The following CMTM8 variants were observed in gnomAD, a reference collection of about 807,000 sequenced individuals.
The protein encoded by CMTM8 is CKLF like MARVEL transmembrane domain containing 8, also known as CKLF-like MARVEL transmembrane domain-containing protein 8.
Under a neutral mutation model 18.6 loss-of-function variants are expected in CMTM8, and 12 were observed. The ratio of observed to expected loss-of-function variants is 0.65; its 90% CI spans 0.41 to 1.05. CMTM8 has a LOEUF of 1.05. Ranked by LOEUF, CMTM8 falls within the 50% of genes least tolerant of loss-of-function variation. The pLI, the probability that CMTM8 is intolerant of heterozygous loss-of-function variation, is 0.00. For missense variants in CMTM8, 217 were observed against 227.2 expected (o/e 0.95, Z 0.29); for synonymous variants, 87 against 90.6 (o/e 0.96, Z 0.23).
chr3:32,262,455 A>T (rs978044014), intron 1 of CMTM8, among the ~76,000 whole-genome samples: 3 of 152,182 alleles, frequency 2.0e-5, no homozygotes, highest in African/African-American at 7.2e-5. Context: ...AGGTGAGTGG[A>T]TCCACATGGA....
At chr3:32,259,953 A>T in intron 1 of CMTM8, 1 of 1,146,846 alleles carries the variant, frequency 8.7e-7, no homozygotes, top group Non-Finnish European at 1.3e-6. Context: ...GAGCAGCTCA[A>T]CGGGATCCTG....
intron 1 of CMTM8, among the ~76,000 whole-genome samples, chr3:32,247,788 G>A: frequency 6.6e-6 from 1 of 152,132 alleles, no homozygotes; most frequent in Non-Finnish European, 1.5e-5. Flanking sequence ...AAAATTTTTT[G>A]AAATGTCTTC....
At chr3:32,364,301 G>A (rs1033367789) in intron 2 of CMTM8, among the ~76,000 whole-genome samples, 10 of 152,134 alleles carry the variant, frequency 6.6e-5, no homozygotes, top group Non-Finnish European at 1.3e-4. Context: ...TCAGGAGATC[G>A]AGACCATCTT....
At chr3:32,251,234 G>A (rs1387566782) in intron 1 of CMTM8, among the ~76,000 whole-genome samples, 1 of 152,140 alleles carries the variant, frequency 6.6e-6, no homozygotes, top group African/African-American at 2.4e-5. Context: ...ATGAAAAAGA[G>A]CAAATTGTTT....
In CMTM8 at chr3:32,358,916, T is replaced by C. The variant is rs988741500; in HGVS notation, c.321+1370T>C. On this transcript the variant is annotated intron_variant, in intron 2 of 3. Coordinates refer to ENST00000307526, the MANE Select transcript of CMTM8 (RefSeq NM_178868.5). This position sits in a 1 kb window ranked among gnomAD's most constrained non-coding sequence, Gnocchi z 4.1. ...TAGCACCTTGAAGTAATAGTAACTA[T>C]AGGAACACAGGATGAGGGAATAATC... Among the ~76,000 whole-genome samples the C allele has an allele frequency of 6.6e-6, 1 of 152,212 alleles. No individual in the cohort carries two copies. The highest frequency in any genetic ancestry group is 1.5e-5 in the Non-Finnish European group (1 of 68,036).
intron 1 of CMTM8, among the ~76,000 whole-genome samples, chr3:32,320,213 G>A (rs1696016384): frequency 6.6e-6 from 1 of 152,184 alleles, no homozygotes; most frequent in Admixed American, 6.5e-5. Context: ...TAGCCAAAAT[G>A]TGGAAACAAT....
chr3:32,250,618 T>G (rs1451274924), intron 1 of CMTM8, among the ~76,000 whole-genome samples: 1 of 152,170 alleles, frequency 6.6e-6, no homozygotes, highest in Non-Finnish European at 1.5e-5. Flanking sequence ...TTAAATTTAT[T>G]TCTAAGTATT....
At chr3:32,329,078 AT>A (rs1388114376) in intron 1 of CMTM8, among the ~76,000 whole-genome samples, 12 of 151,176 alleles carry the variant, frequency 7.9e-5, no homozygotes, top group Admixed American at 1.3e-4. Flanking sequence ...TCAAAAAAAA[AT>A]TTTTTTTTTC....
rs552289968 is a variant in CMTM8 at position 32,364,862 on chromosome 3, T to C, written c.322-3010T>C. On this transcript the variant is annotated intron_variant, in intron 2 of 3. Transcript: ENST00000307526. ...AGTTTCAGTTGAGCCTTGGCCCCTC[T>C]GCCACTGGGTGGGCCCTGGGACTGA... Among the ~76,000 whole-genome samples the C allele has an allele frequency of 2.6e-5, 4 of 152,338 alleles. No individual in the cohort carries two copies. In the South Asian group the frequency reaches 8.3e-4, roughly 32 times the overall value.
At chr3:32,292,124 G>C (rs2125556905) in intron 1 of CMTM8, among the ~76,000 whole-genome samples, 1 of 152,330 alleles carries the variant, frequency 6.6e-6, no homozygotes, top group South Asian at 2.1e-4. Flanking sequence ...TTCAAGGAGA[G>C]ATTATTGGAG....
At chr3:32,279,941 A>T (rs1702581264) in intron 1 of CMTM8, among the ~76,000 whole-genome samples, 1 of 151,044 alleles carries the variant, frequency 6.6e-6, no homozygotes, top group African/African-American at 2.4e-5. Context: ...GATGATGAGC[A>T]TTTTTTCATG....
intron 1 of CMTM8, among the ~76,000 whole-genome samples, chr3:32,263,615 G>T (rs1444948960): frequency 6.6e-6 from 1 of 152,224 alleles, no homozygotes; most frequent in African/African-American, 2.4e-5. Context: ...GCTTTGACGA[G>T]TTGAGAGAAG....
intron 1 of CMTM8, among the ~76,000 whole-genome samples, chr3:32,352,977 G>A (rs1357156783): frequency 6.6e-6 from 1 of 151,954 alleles, no homozygotes; most frequent in Non-Finnish European, 1.5e-5. Flanking sequence ...GTAAACTAAG[G>A]TTTTTTGTTT....
intron 1 of CMTM8, among the ~76,000 whole-genome samples, chr3:32,294,628 T>C (rs78500935): frequency 0.021 from 3,177 of 152,248 alleles, 107 homozygotes; most frequent in African/African-American, 0.072. Context: ...AGAAGCCACA[T>C]AAAGTATGCG....
intron 2 of CMTM8, among the ~76,000 whole-genome samples, chr3:32,361,286 G>GTTTGTTTGTTTTTT (rs140270969): frequency 2.3e-5 from 2 of 87,230 alleles, no homozygotes; most frequent in East Asian, 5.6e-4. Context: ...CAGCCTAAGA[G>GTTTGTTTGTTTTTT]TTTTTTTTTC....
At chr3:32,341,584 T>C (rs1254800399) in intron 1 of CMTM8, among the ~76,000 whole-genome samples, 1 of 152,192 alleles carries the variant, frequency 6.6e-6, no homozygotes, top group Non-Finnish European at 1.5e-5. Flanking sequence ...TAGTACAGTT[T>C]AAAAACTTGA....
intron 1 of CMTM8, among the ~76,000 whole-genome samples, chr3:32,310,555 G>A (rs749536255): frequency 6.6e-6 from 1 of 152,164 alleles, no homozygotes; most frequent in Non-Finnish European, 1.5e-5. Flanking sequence ...TTTTCCTGCA[G>A]CGCGAGGAAG....
At chr3:32,314,671 G>A (rs1695884668) in intron 1 of CMTM8, among the ~76,000 whole-genome samples, 3 of 152,028 alleles carry the variant, frequency 2.0e-5, no homozygotes, top group African/African-American at 7.2e-5. Context: ...GTAAGACAGG[G>A]TTTTACTGTG....
chr3:32,255,130 C>G (rs901848812), intron 1 of CMTM8, among the ~76,000 whole-genome samples: 5 of 151,922 alleles, frequency 3.3e-5, no homozygotes, highest in Non-Finnish European at 7.4e-5. Context: ...AGCTAATAGT[C>G]CATTGTGTAG....
Sources: allele counts gnomAD v4.1 joint callset (sites outside exome capture counted in the v4.1 genomes callset), GRCh38; gene constraint gnomAD v4.1.1; non-coding constraint Gnocchi (gnomAD v3.1); transcripts MANE v1.5; gene names NCBI Gene and HGNC (gene_info 2026-07-23, HGNC 2026-07-21).